DGLUCY: variants seen among roughly 807,000 people sequenced by gnomAD.
The protein encoded by DGLUCY is D-glutamate cyclase, mitochondrial.
A neutral mutation model predicts 58.5 loss-of-function variants in DGLUCY; 58 were observed. The observed-to-expected ratio is 0.99, with a 90% CI of 0.80 to 1.23. DGLUCY has a LOEUF of 1.23. DGLUCY is among the 50% of genes most tolerant of loss of function. The pLI is 0.00. For missense variants in DGLUCY, 779 were observed against 784.7 expected, an observed-to-expected ratio of 0.99 and a Z score of 0.09; for synonymous variants, 325 against 314.1, an observed-to-expected ratio of 1.03 and a Z score of -0.37.
chr14:91,070,904 A>G (rs779072996), intron 1 of DGLUCY, among the ~76,000 whole-genome samples: 18 of 152,212 alleles, frequency 1.2e-4, no homozygotes, highest in Admixed American at 2.0e-4. Flanking sequence ...CAGAGTGATC[A>G]ATAACAAAGT....
intron 1 of DGLUCY, among the ~76,000 whole-genome samples, chr14:91,152,820 T>A (rs1040386229): frequency 2.0e-5 from 3 of 152,212 alleles, no homozygotes; most frequent in Non-Finnish European, 4.4e-5. Context: ...TTTATTCTTG[T>A]AAATAATAGG....
chr14:91,060,724 C>T, intron 1 of DGLUCY: 1 of 292,482 alleles, frequency 3.4e-6, no homozygotes, highest in East Asian at 5.4e-5. Context: ...CCATTCGAGC[C>T]GCCTTCGCTG....
chr14:91,167,700 T>TA, intron 4 of DGLUCY: 1 of 699,562 alleles, frequency 1.4e-6, no homozygotes, highest in East Asian at 2.7e-5. Flanking sequence ...AAGAAGAAAA[T>TA]AAAAAACACT....
upstream of DGLUCY, among the ~76,000 whole-genome samples, chr14:91,104,204 A>G (rs1792014279): frequency 6.6e-6 from 1 of 151,064 alleles, no homozygotes; most frequent in Non-Finnish European, 1.5e-5. Flanking sequence ...CTGGGACTAC[A>G]GGCACCCGCC....
chr14:91,169,873 T>TA (rs2048474912), intron 4 of DGLUCY, 130 bp from the exon 5 acceptor site: 3 of 921,402 alleles, frequency 3.3e-6, no homozygotes, highest in Non-Finnish European at 5.0e-6. Flanking sequence ...CTATGCTCCC[T>TA]ACCCTGGTGC....
chr14:91,112,078 T>TAA (rs577578257), upstream of DGLUCY, among the ~76,000 whole-genome samples: 8 of 138,076 alleles, frequency 5.8e-5, no homozygotes, highest in East Asian at 1.4e-3. Context: ...TCTCTACTAC[T>TAA]AAAAAAAAAA....
chr14:91,066,573 C>T (rs1350043440), intron 1 of DGLUCY, among the ~76,000 whole-genome samples: 1 of 152,028 alleles, frequency 6.6e-6, no homozygotes, highest in Admixed American at 6.6e-5. Flanking sequence ...GAGAGGATCA[C>T]TTGAGCCCAG....
chr14:91,072,837 G>A (rs2043946437), intron 1 of DGLUCY, among the ~76,000 whole-genome samples: 2 of 151,798 alleles, frequency 1.3e-5, no homozygotes, highest in Admixed American at 6.6e-5. Context: ...GTGAAACCCT[G>A]TCTCTACTAA....
chr14:91,209,909 C>T (rs1190031078), intron 12 of DGLUCY, among the ~76,000 whole-genome samples: 1 of 152,136 alleles, frequency 6.6e-6, no homozygotes, highest in East Asian at 1.9e-4. Context: ...TAATTTCAGA[C>T]ATAGCAGACT....
chr14:91,082,311 G>A (rs2044141330), intron 1 of DGLUCY, among the ~76,000 whole-genome samples: 1 of 152,204 alleles, frequency 6.6e-6, no homozygotes, highest in Non-Finnish European at 1.5e-5. Flanking sequence ...CCCAAGTGTA[G>A]CCAGTATGAT....
chr14:91,103,910 A>C (rs928037649), upstream of DGLUCY, among the ~76,000 whole-genome samples: 2 of 149,336 alleles, frequency 1.3e-5, no homozygotes, highest in Admixed American at 1.3e-4. Flanking sequence ...ACTTCTGCGC[A>C]TGTCTGTGGA....
In DGLUCY at chr14:91,199,876, C is replaced by T. The variant is rs114579097; in HGVS notation, c.1415C>T (p.Ala472Val). ...VDPIDDLFLAAKKIPGISSTG... is the reference protein window; with the variant it reads ...VDPIDDLFLAVKKIPGISSTG... ...CCCATTGACGATCTTTTTCTTGCTGCGAAGAAGATTCCTGGAATCTCATCA... is the reference window on the plus strand; with the variant it reads ...CCCATTGACGATCTTTTTCTTGCTGTGAAGAAGATTCCTGGAATCTCATCA... The change falls in exon 11 of 14, where the codon GCG becomes GTG. Residue 472 changes from alanine to valine, a missense_variant. Physicochemically the swap from Ala to Val is moderately conservative, Grantham distance 64. Transcript: ENST00000256324. 3.6e-5 allele frequency: 58 copies of T among 1,614,090 alleles called. No homozygotes were observed. The highest frequency in any genetic ancestry group is 2.2e-4 in the East Asian group (10 of 44,886).
intron 1 of DGLUCY, among the ~76,000 whole-genome samples, chr14:91,091,951 C>T (rs1484340870): frequency 6.6e-6 from 1 of 152,144 alleles, no homozygotes; most frequent in African/African-American, 2.4e-5. Flanking sequence ...GGGCTCTGTC[C>T]TCTGATGTCC....
At chr14:91,068,115 A>ACACC (rs1236523220) in intron 1 of DGLUCY, among the ~76,000 whole-genome samples, 35 of 140,248 alleles carry the variant, frequency 2.5e-4, no homozygotes, top group Middle Eastern at 7.4e-3. Flanking sequence ...ACACACACAC[A>ACACC]CCCCTTGCAT....
At chr14:91,127,089 C>T (rs528118897) in intron 1 of DGLUCY, among the ~76,000 whole-genome samples, 3 of 139,578 alleles carry the variant, frequency 2.1e-5, no homozygotes, top group Admixed American at 7.6e-5. Flanking sequence ...TAGAATTTCC[C>T]TCTGTCACCC....
At chr14:91,141,637 C>T (rs1166625982) in intron 1 of DGLUCY, among the ~76,000 whole-genome samples, 4 of 149,788 alleles carry the variant, frequency 2.7e-5, no homozygotes, top group African/African-American at 9.8e-5. Flanking sequence ...CTGCAACCTC[C>T]GCCTCCTGGG....
Position 91,196,438 on chromosome 14 carries a change from C to T in DGLUCY, c.1259C>T (p.Ala420Val), listed in dbSNP as rs1471691605. 3.1e-6 allele frequency: 5 copies of T among 1,614,026 alleles called. No homozygotes were observed. Among genetic ancestry groups the T allele is most frequent in the Non-Finnish European group, 4.2e-6 (5 of 1,180,032 alleles). ...YQGGSVEAAQ[A>V]FLCKNGDPQT... Reference sequence around the variant, plus strand: ...GGTGGATCAGTGGAAGCTGCTCAGGCATTCCTGTGCAAAAATGGGGACCCG... The same window carrying T: ...GGTGGATCAGTGGAAGCTGCTCAGGTATTCCTGTGCAAAAATGGGGACCCG... Residue 420 changes from alanine to valine, a missense_variant, in exon 10 of 14, where the codon GCA becomes GTA. Coordinates refer to ENST00000256324, the MANE Select transcript of DGLUCY (RefSeq NM_001102368.3).
At chr14:91,099,271 G>T (rs2044444687) in intron 1 of DGLUCY, among the ~76,000 whole-genome samples, 1 of 152,126 alleles carries the variant, frequency 6.6e-6, no homozygotes, top group South Asian at 2.1e-4. Context: ...GGTGACTCAT[G>T]CCTATAATCC....
chr14:91,173,456 C>T lies in DGLUCY; in HGVS notation c.607+17C>T. The T allele has an allele frequency of 1.3e-6, 2 of 1,580,800 alleles. No individual in the cohort carries two copies. The highest frequency in any genetic ancestry group is 1.2e-5 in the South Asian group (1 of 86,072). The stretch of plus-strand genomic sequence containing the variant: ...GCGACCCAGGTCAGTGTCTCTCGCT[C>T]CTGCCCATGATCTTCCTGTTCACAT... On this transcript the variant is annotated intron_variant, in intron 6 of 13. Coordinates refer to ENST00000256324, the MANE Select transcript of DGLUCY (RefSeq NM_001102368.3).
Sources: gnomAD v4.1 joint callset for allele counts (sites outside exome capture counted in the v4.1 genomes callset) on GRCh38, gnomAD v4.1.1 for gene constraint, MANE v1.5 for transcripts, NCBI Gene and HGNC (gene_info 2026-07-23, HGNC 2026-07-21) for gene names.